The following RB1 variants were observed in gnomAD, a reference collection of about 807,000 sequenced individuals.
The protein encoded by RB1 is retinoblastoma-associated protein.
Under a neutral mutation model 135.4 loss-of-function variants are expected in RB1, and 18 were observed. That is an observed-to-expected ratio of 0.13 (90% CI 0.09 to 0.20). RB1 has a LOEUF of 0.20. Among genes scored for constraint, RB1 ranks in the 10% least tolerant of loss-of-function variants. RB1 has a pLI of 1.00. For synonymous variants in RB1, 365 were observed against 373.2 expected (o/e 0.98, Z 0.25); for missense variants, 868 against 1,110.0 (o/e 0.78, Z 3.10).
At chr13:48,435,521 TTTC>T (rs1949174546) in intron 17 of RB1, among the ~76,000 whole-genome samples, 5 of 152,204 alleles carry the variant, frequency 3.3e-5, no homozygotes, top group Admixed American at 2.0e-4. Flanking sequence ...CTGTAGCTTC[TTTC>T]TTCATCTTCT....
rs148119519 is a variant in RB1, at chr13:48,403,145, T to A, written c.1695+21702T>A. 3.8e-4 allele frequency among the ~76,000 whole-genome samples: 58 copies of A among 152,318 alleles called. 1 individual carries two copies. In the East Asian group the frequency reaches 9.6e-3, roughly 25 times the overall value. ...AATTTAAAGATCTCCTGTGTTTTGA[T>A]GTAAAAACACTATTTTTTAGCAGCA... On this transcript the variant is annotated intron_variant, in intron 17 of 26. Coordinates refer to ENST00000267163, the MANE Select transcript of RB1 (RefSeq NM_000321.3).
chr13:48,432,029 C>T (rs1949135454), intron 17 of RB1, among the ~76,000 whole-genome samples: 1 of 152,000 alleles, frequency 6.6e-6, no homozygotes, highest in African/African-American at 2.4e-5. Context: ...AATAAATAAA[C>T]AATTATACAA....
intron 16 of RB1, among the ~76,000 whole-genome samples, chr13:48,380,536 G>A (rs1318526398): frequency 6.6e-6 from 1 of 152,126 alleles, no homozygotes; most frequent in East Asian, 1.9e-4. Flanking sequence ...TGAGATTGTA[G>A]AGTGCCAAAG....
chr13:48,354,899 C>A (rs2138101305), intron 6 of RB1, among the ~76,000 whole-genome samples: 1 of 152,092 alleles, frequency 6.6e-6, no homozygotes, highest in South Asian at 2.1e-4. Context: ...CTATCTGTCA[C>A]CATATACAAA....
chr13:48,309,939 T>A lies in RB1; in HGVS notation c.264+2533T>A, dbSNP rs1274190914. 5.9e-5 allele frequency among the ~76,000 whole-genome samples: 9 copies of A among 152,164 alleles called. 1 individual carries two copies. Among genetic ancestry groups the A allele is most frequent in the Admixed American group, 5.9e-4 (9 of 15,280 alleles). ...TACCTTCCCTGGGAACTGGCCCAGT[T>A]TGAATCTTATTTCCTAATGGAGCTC... On this transcript the variant is annotated intron_variant, in intron 2 of 26. Transcript: ENST00000267163.
intron 2 of RB1, among the ~76,000 whole-genome samples, chr13:48,326,708 C>T (rs1026704818): frequency 9.2e-5 from 14 of 151,922 alleles, no homozygotes; most frequent in African/African-American, 3.1e-4. Flanking sequence ...GAGTTATTAC[C>T]GACTAAAAGA....
chr13:48,370,914 A>G (rs1381254288), intron 11 of RB1, among the ~76,000 whole-genome samples: 1 of 152,210 alleles, frequency 6.6e-6, no homozygotes, highest in Non-Finnish European at 1.5e-5. Context: ...AGGGGCTGCC[A>G]GCCATGTCAA....
rs149082842 is a variant in RB1, at chr13:48,355,643, C to T, written c.608-4374C>T. 5.6e-3 allele frequency among the ~76,000 whole-genome samples: 846 copies of T among 152,158 alleles called. 5 individuals are homozygous for T. Among genetic ancestry groups the T allele is most frequent in the Middle Eastern group, 0.01 (3 of 294 alleles). On this transcript the variant is annotated intron_variant, in intron 6 of 26. Transcript: ENST00000267163. Reference sequence around the variant, plus strand: ...CCTATGTTTGTTGCAGCACTGTTTACAATAGCTAAGATTTGAAAGCAACCT... The same window carrying T: ...CCTATGTTTGTTGCAGCACTGTTTATAATAGCTAAGATTTGAAAGCAACCT...
intron 2 of RB1, among the ~76,000 whole-genome samples, chr13:48,335,988 G>A (rs577902054): frequency 6.6e-6 from 1 of 152,132 alleles, no homozygotes; most frequent in African/African-American, 2.4e-5. Flanking sequence ...GAGAGGAAAA[G>A]AGAAGAGAAT....
intron 17 of RB1, among the ~76,000 whole-genome samples, chr13:48,401,736 A>G (rs890326337): frequency 6.6e-6 from 1 of 152,222 alleles, no homozygotes; most frequent in Admixed American, 6.5e-5. Flanking sequence ...GATTTAGAAC[A>G]TGATAAGGAA....
chr13:48,399,568 T>C (rs1463324973), intron 17 of RB1, among the ~76,000 whole-genome samples: 1 of 152,022 alleles, frequency 6.6e-6, no homozygotes, highest in Non-Finnish European at 1.5e-5. Context: ...AATAACTTTC[T>C]TCATCATTGT....
At chr13:48,473,963 A>G (rs1434209756) in intron 24 of RB1, among the ~76,000 whole-genome samples, 1 of 152,158 alleles carries the variant, frequency 6.6e-6, no homozygotes, top group Non-Finnish European at 1.5e-5. Flanking sequence ...CACTGCCAGA[A>G]CTACTCACAA....
rs540105566 is a variant in RB1, at chr13:48,476,395, A to G, written c.2521-306A>G. The G allele has an allele frequency of 1.5e-4, 52 of 356,962 alleles. 1 individual carries two copies. Among genetic ancestry groups the G allele is most frequent in the South Asian group, 1.3e-3 (49 of 38,488 alleles). The allele number at this position is 356,962 out of a possible 1,614,324, so 22.1% of individuals were successfully genotyped here. On this transcript the variant is annotated intron_variant, in intron 24 of 26. Transcript: ENST00000267163. ...GCCTACTTCTGAAAAGTAGTCCTGT[A>G]TGGTGGGTTCTGAAAATGAGGAACC...
chr13:48,460,438 A>G lies in RB1; in HGVS notation c.2106+605A>G, dbSNP rs139309210. On this transcript the variant is annotated intron_variant, in intron 20 of 26. Transcript: ENST00000267163. The stretch of plus-strand genomic sequence containing the variant: ...TATTTTAGTAACTGCTTATTTAATG[A>G]CACAAAAGATCTTACCTGTAAAAAA... Among the ~76,000 whole-genome samples the G allele has an allele frequency of 1.8e-3, 278 of 152,280 alleles. 3 individuals are homozygous for G. Among genetic ancestry groups the G allele is most frequent in the African/African-American group, 6.3e-3 (262 of 41,558 alleles).
intron 17 of RB1, 54 bp from the exon 18 acceptor site, chr13:48,452,938 AC>A (rs1248100973): frequency 6.2e-7 from 1 of 1,604,618 alleles, no homozygotes; most frequent in East Asian, 2.2e-5. Context: ...TTTGATATGT[AC>A]CTGGGAAAAT....
chr13:48,325,633 A>G (rs1950308555), intron 2 of RB1, among the ~76,000 whole-genome samples: 1 of 152,176 alleles, frequency 6.6e-6, no homozygotes, highest in Non-Finnish European at 1.5e-5. Flanking sequence ...TTTTTCATTT[A>G]GCAATATATC....
chr13:48,465,159 CA>C, intron 22 of RB1, 45 bp from the exon 23 acceptor site: 2 of 1,612,032 alleles, frequency 1.2e-6, no homozygotes, highest in Non-Finnish European at 1.7e-6. Flanking sequence ...GTAATGGGTC[CA>C]CCAAAACATT....
chr13:48,432,742 C>A (rs983173944), intron 17 of RB1, among the ~76,000 whole-genome samples: 1 of 151,420 alleles, frequency 6.6e-6, no homozygotes, highest in Non-Finnish European at 1.5e-5. Context: ...CTTGAGTAAG[C>A]GTACAGGAAT....
intron 11 of RB1, among the ~76,000 whole-genome samples, chr13:48,372,861 T>A (rs1303347414): frequency 6.6e-6 from 1 of 152,132 alleles, no homozygotes; most frequent in Non-Finnish European, 1.5e-5. Flanking sequence ...ACTGCCCCCT[T>A]CATAATACAC....
Sources: gnomAD v4.1 joint callset for allele counts (sites outside exome capture counted in the v4.1 genomes callset) on GRCh38, gnomAD v4.1.1 for gene constraint, MANE v1.5 for transcripts, NCBI Gene and HGNC (gene_info 2026-07-23, HGNC 2026-07-21) for gene names.